Variants in CDHR1 observed in about 807,000 individuals in gnomAD.
The protein encoded by CDHR1 is cadherin related family member 1.
CDHR1 carries 61 observed loss-of-function variants against 72.1 expected under a neutral mutation model. That is an observed-to-expected ratio of 0.85 (90% CI 0.69 to 1.05). The LOEUF (loss-of-function observed/expected upper bound fraction) is 1.05, where lower values mean the gene tolerates loss of function less well. Among genes scored for constraint, CDHR1 ranks in the 50% least tolerant of loss-of-function variants. The pLI, the probability that CDHR1 is intolerant of heterozygous loss-of-function variation, is 0.00. For synonymous variants in CDHR1, 470 were observed against 448.1 expected (o/e 1.05, Z -0.62); for missense variants, 1,186 against 1,115.7 (o/e 1.06, Z -0.90).
At chr10:84,195,399 T>C (rs906509956) in intron 1 of CDHR1, 95 bp from the exon 2 acceptor site, 7 of 1,159,458 alleles carry the variant, frequency 6.0e-6, no homozygotes, top group Middle Eastern at 2.2e-4. Context: ...GCCCAGTAGC[T>C]GGGCCTGACG....
chr10:84,196,741 C>G (rs1418941434), intron 3 of CDHR1, 91 bp downstream of exon 3: 4 of 1,457,500 alleles, frequency 2.7e-6, no homozygotes, highest in Non-Finnish European at 3.8e-6. Context: ...TGGTTAGAAC[C>G]TCTCCACAGA....
intron 10 of CDHR1, 60 bp downstream of exon 10, chr10:84,205,987 T>G: frequency 7.6e-7 from 1 of 1,307,788 alleles, no homozygotes; most frequent in South Asian, 1.2e-5. Context: ...TCTATAAAGG[T>G]GAAGACACCC....
chr10:84,200,838 G>A (rs1842111852), intron 6 of CDHR1, 151 bp downstream of exon 6: 2 of 670,990 alleles, frequency 3.0e-6, no homozygotes, highest in South Asian at 3.4e-5. Flanking sequence ...GGGGATGTGA[G>A]AGGGACAGAA....
chr10:84,216,452 A>C lies in CDHR1; in HGVS notation c.*1831A>C. The C allele has an allele frequency of 1.0e-6, 1 of 985,504 alleles. No individual in the cohort carries two copies. Among genetic ancestry groups the C allele is most frequent in the Non-Finnish European group, 1.2e-6 (1 of 829,954 alleles). The allele number at this position is 985,504 out of a possible 1,614,324, so 61.0% of individuals were successfully genotyped here. A position where few individuals can be genotyped will look rare whatever the true frequency, so the allele number is the denominator to read the frequency against. Reference sequence around the variant, plus strand: ...TGGATCATGCTTGCCCTCCACAGGGAATACAGCATCCTTACAGCTTGCATG... The same window carrying C: ...TGGATCATGCTTGCCCTCCACAGGGCATACAGCATCCTTACAGCTTGCATG... On this transcript the variant is annotated 3_prime_UTR_variant, in exon 17 of 17. Coordinates refer to ENST00000623527, the MANE Select transcript of CDHR1 (RefSeq NM_033100.4).
Position 84,199,043 on chromosome 10 carries a change from AGTC to A in CDHR1, c.363_365del (p.Val122del). 6.4e-7 allele frequency: 1 copy of A among 1,551,654 alleles called. No homozygotes were observed. Among genetic ancestry groups the A allele is most frequent in the Non-Finnish European group, 8.7e-7 (1 of 1,146,996 alleles). On this transcript the variant is annotated inframe_deletion, in exon 5 of 17. Coordinates refer to ENST00000623527, the MANE Select transcript of CDHR1 (RefSeq NM_033100.4). The stretch of plus-strand genomic sequence containing the variant: ...CTGCCCCTTCTCAGGTGGCCGAAAA[AGTC>A]GTGATCCTGGTGACCGATGCCAATG...
Position 84,214,767 on chromosome 10 carries a change from G to T in CDHR1, c.*146G>T. The T allele has an allele frequency of 6.4e-7, 1 of 1,559,118 alleles. No individual in the cohort carries two copies. Among genetic ancestry groups the T allele is most frequent in the Non-Finnish European group, 8.6e-7 (1 of 1,160,248 alleles). ...AATCCCCACTGTCCTCATCTCTACCGCCACCTTCTGGCGCAACAAGAAGTT... is the reference window on the plus strand; with the variant it reads ...AATCCCCACTGTCCTCATCTCTACCTCCACCTTCTGGCGCAACAAGAAGTT... On this transcript the variant is annotated 3_prime_UTR_variant, in exon 17 of 17. Transcript: ENST00000623527.
rs781194249 is a variant in CDHR1, at chr10:84,205,858, A to G, written c.894A>G (p.Thr298=). 1 of 1,614,020 alleles carries G rather than the reference A, an allele frequency of 6.2e-7. No homozygotes were observed. The highest frequency in any genetic ancestry group is 8.5e-7 in the Non-Finnish European group (1 of 1,179,938). ...GNDGAFEINE[T]SGAISITQSP... is the part of the protein sequence containing the mutation. ...ATGGAGCCTTTGAAATTAATGAGAC[A>G]TCTGGAGCCATCTCCATCACTCAGA... The change falls in exon 10 of 17, where the codon ACA becomes ACG. Residue 298 remains threonine (T), a synonymous_variant. Coordinates refer to ENST00000623527, the MANE Select transcript of CDHR1 (RefSeq NM_033100.4).
chr10:84,200,172 A>C (rs1240599127), intron 5 of CDHR1, among the ~76,000 whole-genome samples: 1 of 34,606 alleles, frequency 2.9e-5, no homozygotes, highest in Non-Finnish European at 4.9e-5. Context: ...CTCCATCTCA[A>C]AAAAAAAAAA....
chr10:84,218,255 TC>T lies in CDHR1; in HGVS notation c.*3636del. The T allele has an allele frequency of 2.0e-6, 2 of 985,446 alleles. No individual in the cohort carries two copies. The highest frequency in any genetic ancestry group is 2.4e-6 in the Non-Finnish European group (2 of 829,934). 61.0% of individuals were successfully genotyped at this position (985,446 alleles called of 1,614,324 possible). A position where few individuals can be genotyped will look rare whatever the true frequency, so the allele number is the denominator to read the frequency against. On this transcript the variant is annotated 3_prime_UTR_variant, in exon 17 of 17. Transcript: ENST00000623527. ...GAGGGGTTCTCTGAAGGGCCTAGTT[TC>T]CAGAATGAGGCGGTCATGGCTTAAG...
At position 84,211,649 on chromosome 10, in the gene CDHR1, C is replaced by A. The variant is rs765767264; in HGVS notation, c.1487C>A (p.Ala496Asp). The A allele has an allele frequency of 1.1e-5, 18 of 1,613,914 alleles. No homozygotes were observed. Among genetic ancestry groups the A allele is most frequent in the Non-Finnish European group, 1.5e-5 (18 of 1,179,892 alleles). Residue 496 changes from alanine (A) to aspartate (D), a missense_variant and splice_region_variant, in exon 14 of 17, where the codon GCT becomes GAT. Ala to Asp is a moderately radical substitution (Grantham distance 126, BLOSUM62 -2). Transcript: ENST00000623527. ...CACCCAGGGCTCTTTCTCTTCCAGG[C>A]TGTGGATCCAGATACAGGACCCTGG... ...PGGSSVVAVT[A>D]VDPDTGPWGE...
chr10:84,205,765 A>G, intron 9 of CDHR1, 62 bp from the exon 10 acceptor site: 1 of 1,133,328 alleles, frequency 8.8e-7, no homozygotes, highest in Non-Finnish European at 1.3e-6. Flanking sequence ...ATCCTGTGGC[A>G]CGACTCCCCT....
chr10:84,197,094 C>G (rs544244764), intron 3 of CDHR1, among the ~76,000 whole-genome samples: 3 of 152,144 alleles, frequency 2.0e-5, no homozygotes, highest in Non-Finnish European at 4.4e-5. Flanking sequence ...TGAGAACTTG[C>G]AGGCAACAGG....
chr10:84,206,216 G>A (rs982190188), intron 10 of CDHR1, among the ~76,000 whole-genome samples: 1 of 152,192 alleles, frequency 6.6e-6, no homozygotes, highest in Non-Finnish European at 1.5e-5. Context: ...TTCCAAGACA[G>A]GAAAGTGCAG....
At chr10:84,205,351 G>A (rs970252947) in intron 9 of CDHR1, among the ~76,000 whole-genome samples, 1 of 151,860 alleles carries the variant, frequency 6.6e-6, no homozygotes, top group African/African-American at 2.4e-5. Flanking sequence ...CATCACCACT[G>A]CAAACCTTTA....
intron 12 of CDHR1, among the ~76,000 whole-genome samples, chr10:84,209,697 A>G (rs1204676283): frequency 1.3e-5 from 2 of 152,236 alleles, no homozygotes; most frequent in East Asian, 3.9e-4. Context: ...ATGGCTGATT[A>G]CAAAGTTAAT....
At chr10:84,198,638 C>T (rs1427628898) in intron 4 of CDHR1, among the ~76,000 whole-genome samples, 1 of 152,228 alleles carries the variant, frequency 6.6e-6, no homozygotes, top group Non-Finnish European at 1.5e-5. Flanking sequence ...GAACTCTCAA[C>T]CCCATCGGAT....
chr10:84,218,760 T>C (rs1842464915), downstream of CDHR1: 1 of 1,009,814 alleles, frequency 9.9e-7, no homozygotes, highest in East Asian at 8.6e-5. Context: ...TTAGCCCAGA[T>C]ATCATGTTAT....
chr10:84,215,424 T>C lies in CDHR1; in HGVS notation c.*803T>C. 1 of 985,460 alleles carries C rather than the reference T, an allele frequency of 1.0e-6. No homozygotes were observed. The highest frequency in any genetic ancestry group is 1.2e-6 in the Non-Finnish European group (1 of 829,968). The allele number at this position is 985,460 out of a possible 1,614,324, so 61.0% of individuals were successfully genotyped here. ...GCATCAGGGCTGCTCTCTGAGGAGCTGCCCCACCAGCCATCCTTGAAGAGA... is the reference window on the plus strand; with the variant it reads ...GCATCAGGGCTGCTCTCTGAGGAGCCGCCCCACCAGCCATCCTTGAAGAGA... On this transcript the variant is annotated 3_prime_UTR_variant, in exon 17 of 17. Transcript: ENST00000623527.
chr10:84,206,840 G>A (rs1286383541), intron 10 of CDHR1, among the ~76,000 whole-genome samples: 1 of 152,232 alleles, frequency 6.6e-6, no homozygotes, highest in South Asian at 2.1e-4. Flanking sequence ...GAGAGGTAGA[G>A]CCATCGGCCA....
Sources: allele counts gnomAD v4.1 joint callset (sites outside exome capture counted in the v4.1 genomes callset), GRCh38; gene constraint gnomAD v4.1.1; transcripts MANE v1.5; gene names NCBI Gene and HGNC (gene_info 2026-07-23, HGNC 2026-07-21).